Variants in RPRD1B observed in about 807,000 individuals in gnomAD.
RPRD1B encodes regulation of nuclear pre-mRNA domain containing 1B.
In RPRD1B, 11 loss-of-function variants were observed where a neutral mutation model predicts 41.5. That is an observed-to-expected ratio of 0.27 (90% CI 0.17 to 0.44). RPRD1B has a LOEUF of 0.44. RPRD1B is among the 20% of genes least tolerant of loss of function. The pLI is 1.00. For missense variants in RPRD1B, 248 were observed against 389.9 expected, an observed-to-expected ratio of 0.64 and a Z score of 3.06; for synonymous variants, 158 against 155.6, an observed-to-expected ratio of 1.02 and a Z score of -0.12.
At chr20:38,062,747 C>T (rs2074310407) in intron 5 of RPRD1B, among the ~76,000 whole-genome samples, 2 of 151,580 alleles carry the variant, frequency 1.3e-5, no homozygotes, top group Admixed American at 1.3e-4. Context: ...CCAGAGTGAT[C>T]CTCTTAGTAG....
chr20:38,078,054 G>A (rs879822249), intron 6 of RPRD1B, among the ~76,000 whole-genome samples: 4 of 151,946 alleles, frequency 2.6e-5, no homozygotes, highest in Non-Finnish European at 5.9e-5. Flanking sequence ...TTCATGCCCA[G>A]CTACTGGGGA....
intron 5 of RPRD1B, among the ~76,000 whole-genome samples, chr20:38,062,229 G>C (rs767193852): frequency 1.2e-4 from 18 of 152,166 alleles, no homozygotes; most frequent in Non-Finnish European, 2.2e-4. Flanking sequence ...CTCTCTTTCT[G>C]TGTCTTTTCA....
At position 38,049,834 on chromosome 20, in the gene RPRD1B, CCTTT is replaced by C. The variant is rs550197678; in HGVS notation, c.415+1356_415+1359del. On this transcript the variant is annotated intron_variant, in intron 3 of 6. Transcript: ENST00000373433. ...TCCAAGTACTGATAGTATTGAAGAC[CCTTT>C]CTATCTGAACTAGCCTGTTTTTCCA... is the stretch of plus-strand genomic sequence containing the variant. 366 of 471,106 alleles carry C rather than the reference CCTTT, an allele frequency of 7.8e-4. 3 individuals are homozygous for C. The highest frequency in any genetic ancestry group is 3.9e-3 in the South Asian group (249 of 64,566). The allele number at this position is 471,106 out of a possible 1,614,324, so 29.2% of individuals were successfully genotyped here.
At chr20:38,069,973 A>C (rs1428105290) in intron 6 of RPRD1B, among the ~76,000 whole-genome samples, 1 of 152,170 alleles carries the variant, frequency 6.6e-6, no homozygotes, top group Non-Finnish European at 1.5e-5. Flanking sequence ...TGTTCTGTGA[A>C]ATCCATCACT....
In RPRD1B at chr20:38,090,673, C is replaced by T. The variant is rs957933711; in HGVS notation, c.*798C>T. On this transcript the variant is annotated 3_prime_UTR_variant, in exon 7 of 7. Transcript: ENST00000373433. ...AGAATGCCTTGATCCCTGGTGGGTG[C>T]GAAGGCAGTTGTTAGGGATGGCAGG... The T allele has an allele frequency of 7.1e-6, 7 of 985,446 alleles. No individual in the cohort carries two copies. The highest frequency in any genetic ancestry group is 1.1e-4 in the East Asian group (1 of 8,820). The allele number at this position is 985,446 out of a possible 1,614,324, so 61.0% of individuals were successfully genotyped here.
intron 2 of RPRD1B, among the ~76,000 whole-genome samples, chr20:38,046,336 T>C (rs1009625319): frequency 2.6e-5 from 4 of 152,206 alleles, no homozygotes; most frequent in Non-Finnish European, 4.4e-5. Flanking sequence ...GTAAGATGAT[T>C]GTTGAAAGTT....
chr20:38,066,014 A>G (rs1487651946), intron 5 of RPRD1B, 67 bp from the exon 6 acceptor site: 26 of 1,498,440 alleles, frequency 1.7e-5, no homozygotes, highest in Non-Finnish European at 2.4e-5. Context: ...CCTCCCCCAG[A>G]AATGTTTGTA....
At chr20:38,048,173 A>G (rs1222680914) in intron 2 of RPRD1B, among the ~76,000 whole-genome samples, 175 bp from the exon 3 acceptor site, 1 of 152,332 alleles carries the variant, frequency 6.6e-6, no homozygotes, top group South Asian at 2.1e-4. Flanking sequence ...TGCACGAAGA[A>G]TGTAGTTTGT....
chr20:38,079,911 A>G (rs2074498352), intron 6 of RPRD1B, among the ~76,000 whole-genome samples: 1 of 152,040 alleles, frequency 6.6e-6, no homozygotes, highest in African/African-American at 2.4e-5. Context: ...TTTAATAGCC[A>G]TTCTGATTGG....
intron 6 of RPRD1B, among the ~76,000 whole-genome samples, chr20:38,068,737 A>C (rs1297578686): frequency 6.6e-6 from 1 of 152,168 alleles, no homozygotes; most frequent in East Asian, 1.9e-4. Flanking sequence ...CCTGAACCTA[A>C]GATTTTTCTC....
intron 6 of RPRD1B, among the ~76,000 whole-genome samples, chr20:38,081,445 C>T (rs1385484492): frequency 1.3e-5 from 2 of 152,142 alleles, no homozygotes; most frequent in South Asian, 4.1e-4. Context: ...AACTAGGAGC[C>T]TTTGGGTAGA....
chr20:38,060,792 C>T (rs567535226), intron 5 of RPRD1B, among the ~76,000 whole-genome samples: 3 of 152,166 alleles, frequency 2.0e-5, no homozygotes, highest in African/African-American at 7.2e-5. Context: ...ATTCCTCCCC[C>T]ACCTCTTCCT....
At chr20:38,056,860 T>C (rs757017976) in intron 3 of RPRD1B, among the ~76,000 whole-genome samples, 8 of 152,354 alleles carry the variant, frequency 5.3e-5, no homozygotes, top group Non-Finnish European at 1.2e-4. Flanking sequence ...TTGTCTAATT[T>C]GATGCAAAAA....
Position 38,090,404 on chromosome 20 carries a change from T to C in RPRD1B, c.*529T>C. On this transcript the variant is annotated 3_prime_UTR_variant, in exon 7 of 7. Transcript: ENST00000373433. ...GCGTTGCCATAAAGAGTTTGCCAAA[T>C]CTCTGATCCTCCCTTTCCATTGCTT... is the stretch of plus-strand genomic sequence containing the variant. 1 of 986,082 alleles carries C rather than the reference T, an allele frequency of 1.0e-6. No individual in the cohort carries two copies. Among genetic ancestry groups the C allele is most frequent in the African/African-American group, 1.7e-5 (1 of 57,356 alleles). 61.1% of individuals were successfully genotyped at this position (986,082 alleles called of 1,614,324 possible).
intron 4 of RPRD1B, 22 bp downstream of exon 4, chr20:38,057,666 G>C: frequency 6.5e-7 from 1 of 1,537,082 alleles, no homozygotes; most frequent in African/African-American, 1.4e-5. Flanking sequence ...CCCCCAGAGA[G>C]TAGGGAACAG....
intron 6 of RPRD1B, among the ~76,000 whole-genome samples, chr20:38,084,141 G>A (rs2074539467): frequency 6.6e-6 from 1 of 152,164 alleles, no homozygotes; most frequent in South Asian, 2.1e-4. Context: ...AGGGGGCTTG[G>A]CGGGTGTGTT....
chr20:38,038,503 T>G (rs1370836387), intron 1 of RPRD1B, among the ~76,000 whole-genome samples: 2 of 141,572 alleles, frequency 1.4e-5, no homozygotes, highest in African/African-American at 2.6e-5. Flanking sequence ...TTTTTTTTTT[T>G]TTTTTTTTTT....
intron 3 of RPRD1B, chr20:38,049,619 C>G: frequency 2.4e-6 from 1 of 420,830 alleles, no homozygotes; most frequent in South Asian, 1.8e-5. Flanking sequence ...CCACCCGCCT[C>G]AGCCTCCCAA....
chr20:38,044,621 G>A (rs1184396876), intron 2 of RPRD1B, among the ~76,000 whole-genome samples: 1 of 152,012 alleles, frequency 6.6e-6, no homozygotes, highest in Non-Finnish European at 1.5e-5. Flanking sequence ...TGATCTGCCC[G>A]CCTTGGCCTC....
Sources: gnomAD v4.1 joint callset for allele counts (sites outside exome capture counted in the v4.1 genomes callset) on GRCh38, gnomAD v4.1.1 for gene constraint, MANE v1.5 for transcripts, NCBI Gene and HGNC (gene_info 2026-07-23, HGNC 2026-07-21) for gene names.